The following MCC variants were observed in gnomAD, a reference collection of about 807,000 sequenced individuals.
MCC encodes the protein colorectal mutant cancer protein.
Under a neutral mutation model 116.2 loss-of-function variants are expected in MCC, and 90 were observed. The ratio of observed to expected loss-of-function variants is 0.77; its 90% CI spans 0.65 to 0.92. The LOEUF (loss-of-function observed/expected upper bound fraction) is 0.92. MCC is among the 40% of genes least tolerant of loss of function. The pLI, the probability that MCC is intolerant of heterozygous loss-of-function variation, is 0.00. For missense variants in MCC, 1,516 were observed against 1,312.2 expected (o/e 1.16, Z -2.40); for synonymous variants, 578 against 510.5 (o/e 1.13, Z -1.78).
chr5:113,311,728 T>C (rs950983322), intron 3 of MCC, among the ~76,000 whole-genome samples: 7 of 151,258 alleles, frequency 4.6e-5, no homozygotes, highest in Non-Finnish European at 8.8e-5. Flanking sequence ...ATCCCAGCAT[T>C]TTGGGAGGCT....
At chr5:113,319,130 A>G (rs1300549111) in intron 3 of MCC, among the ~76,000 whole-genome samples, 2 of 152,224 alleles carry the variant, frequency 1.3e-5, no homozygotes, top group African/African-American at 4.8e-5. Flanking sequence ...AGCCACACAA[A>G]GTGCTGAAAC....
chr5:113,130,253 A>G (rs145747873), intron 5 of MCC, among the ~76,000 whole-genome samples: 3 of 152,076 alleles, frequency 2.0e-5, no homozygotes, highest in African/African-American at 7.2e-5. Flanking sequence ...ACCAAGCACC[A>G]CATGTTCTCA....
chr5:113,221,048 C>T (rs534356186), intron 3 of MCC, among the ~76,000 whole-genome samples: 36 of 152,272 alleles, frequency 2.4e-4, no homozygotes, highest in African/African-American at 8.2e-4. Flanking sequence ...ACCAAAAATA[C>T]AAAAAGTTAG....
At chr5:113,470,039 T>A (rs1000055458) in intron 1 of MCC, among the ~76,000 whole-genome samples, 9 of 152,204 alleles carry the variant, frequency 5.9e-5, no homozygotes, top group Non-Finnish European at 1.2e-4. Flanking sequence ...GCTTGGTAGA[T>A]CTTCCTCCAT....
intron 3 of MCC, among the ~76,000 whole-genome samples, chr5:113,154,362 C>T (rs553428944): frequency 1.3e-5 from 2 of 152,342 alleles, no homozygotes; most frequent in East Asian, 3.9e-4. Flanking sequence ...GAGGCTACAA[C>T]TAGAGAGAGC....
chr5:113,346,964 C>T (rs1382240018), intron 2 of MCC, among the ~76,000 whole-genome samples: 1 of 150,506 alleles, frequency 6.6e-6, no homozygotes, highest in South Asian at 2.1e-4. Flanking sequence ...AACCCTTTTA[C>T]ACTAGAATAG....
intron 3 of MCC, among the ~76,000 whole-genome samples, chr5:113,327,192 C>T (rs1054719090): frequency 6.6e-6 from 1 of 152,176 alleles, no homozygotes; most frequent in South Asian, 2.1e-4. Flanking sequence ...CAAATAGAAA[C>T]TCCTAAGCTG....
At chr5:113,383,365 A>G (rs1018700561) in intron 2 of MCC, among the ~76,000 whole-genome samples, 70 of 152,346 alleles carry the variant, frequency 4.6e-4, no homozygotes, top group African/African-American at 1.6e-3. Flanking sequence ...TCATCATTTA[A>G]TAAATATTTA....
chr5:113,089,178 A>C (rs533875864), intron 8 of MCC, among the ~76,000 whole-genome samples: 3 of 152,182 alleles, frequency 2.0e-5, no homozygotes, highest in Non-Finnish European at 4.4e-5. Context: ...TTATGATGGG[A>C]AACATGCTCT....
At chr5:113,067,495 G>T (rs1753704790) in intron 13 of MCC, among the ~76,000 whole-genome samples, 1 of 152,188 alleles carries the variant, frequency 6.6e-6, no homozygotes, top group African/African-American at 2.4e-5. Context: ...AAATTAGCCA[G>T]GCGTGGTGGC....
At chr5:113,452,279 G>T (rs945238740) in intron 1 of MCC, among the ~76,000 whole-genome samples, 1 of 152,214 alleles carries the variant, frequency 6.6e-6, no homozygotes, top group Non-Finnish European at 1.5e-5. Context: ...GCATATATAG[G>T]AATGGGAAGA....
chr5:113,311,467 G>T (rs1227650807), intron 3 of MCC, among the ~76,000 whole-genome samples: 1 of 152,298 alleles, frequency 6.6e-6, no homozygotes, highest in African/African-American at 2.4e-5. Context: ...ACCAAGGTCT[G>T]GCCAGATCAG....
At chr5:113,310,242 C>T (rs1232410415) in intron 3 of MCC, among the ~76,000 whole-genome samples, 2 of 152,206 alleles carry the variant, frequency 1.3e-5, no homozygotes, top group Admixed American at 6.5e-5. Flanking sequence ...TACAAAAGGG[C>T]TTGAGGTTGA....
At chr5:113,056,004 T>C (rs1475000861) in intron 14 of MCC, among the ~76,000 whole-genome samples, 1 of 152,218 alleles carries the variant, frequency 6.6e-6, no homozygotes, top group Non-Finnish European at 1.5e-5. Context: ...AGCTCCATTA[T>C]CAAATGGGCC....
chr5:113,468,166 A>C (rs979745054), intron 1 of MCC, among the ~76,000 whole-genome samples: 7 of 152,088 alleles, frequency 4.6e-5, no homozygotes, highest in Non-Finnish European at 8.8e-5. Flanking sequence ...AATTGAATAC[A>C]CTTTATTTCC....
rs1382720988 is a variant in MCC, at chr5:113,198,512, T to C, written c.628-47090A>G. ...GAGTTCGAGACAAGCCTGGGTAACATAGTGAGACTCTGTCCCTACAAATAA... is the reference window on the plus strand; with the variant it reads ...GAGTTCGAGACAAGCCTGGGTAACACAGTGAGACTCTGTCCCTACAAATAA... On this transcript the variant is annotated intron_variant, in intron 3 of 18. Transcript: ENST00000408903. Among the ~76,000 whole-genome samples the C allele has an allele frequency of 2.1e-5, 3 of 145,852 alleles. No individual in the cohort carries two copies. The East Asian group carries it at 6.1e-4, about 30-fold the overall frequency.
intron 3 of MCC, among the ~76,000 whole-genome samples, chr5:113,258,496 A>T (rs1297706872): frequency 6.6e-6 from 1 of 152,216 alleles, no homozygotes; most frequent in Non-Finnish European, 1.5e-5. Context: ...AGATTCTCAT[A>T]GGAGGGGGAA....
At chr5:113,216,030 G>A (rs1448672337) in intron 3 of MCC, among the ~76,000 whole-genome samples, 1 of 152,182 alleles carries the variant, frequency 6.6e-6, no homozygotes, top group Non-Finnish European at 1.5e-5. Flanking sequence ...CAGAGGTCAG[G>A]AAACTATGGC....
intron 1 of MCC, chr5:113,428,878 G>T (rs373107769): frequency 1.6e-4 from 25 of 152,122 alleles, no homozygotes; most frequent in African/African-American, 4.6e-4. Flanking sequence ...CATCTTAATA[G>T]AACTGTCTTT....
Sources: allele counts gnomAD v4.1 joint callset (sites outside exome capture counted in the v4.1 genomes callset), GRCh38; gene constraint gnomAD v4.1.1; transcripts MANE v1.5; gene names NCBI Gene and HGNC (gene_info 2026-07-23, HGNC 2026-07-21).